COL25A1: variants seen among roughly 807,000 people sequenced by gnomAD.
COL25A1 encodes collagen type XXV alpha 1 chain.
In COL25A1, 103 loss-of-function variants were observed where a neutral mutation model predicts 128.4. The ratio of observed to expected loss-of-function variants is 0.80; its 90% CI spans 0.68 to 0.94. The LOEUF is 0.94. Ranked by LOEUF, COL25A1 falls within the 40% of genes least tolerant of loss-of-function variation. The probability of loss-of-function intolerance (pLI) is 0.00; values close to 1 mark genes in which losing one functional copy is unlikely to be tolerated. For synonymous variants in COL25A1, 279 were observed against 277.2 expected, an observed-to-expected ratio of 1.01 and a Z score of -0.06; for missense variants, 745 against 840.0, an observed-to-expected ratio of 0.89 and a Z score of 1.40.
intron 6 of COL25A1, among the ~76,000 whole-genome samples, chr4:108,997,818 A>G (rs747698959): frequency 6.6e-6 from 1 of 152,226 alleles, no homozygotes; most frequent in Non-Finnish European, 1.5e-5. Context: ...GGCTTGTTCA[A>G]CATACACAAA....
chr4:108,822,663 C>A (rs1731920310), intron 35 of COL25A1, among the ~76,000 whole-genome samples: 1 of 152,126 alleles, frequency 6.6e-6, no homozygotes, highest in African/African-American at 2.4e-5. Flanking sequence ...GGGCCTTAAG[C>A]AGTCCTCCCA....
chr4:109,115,560 A>G (rs76987558), intron 3 of COL25A1, among the ~76,000 whole-genome samples: 7,535 of 152,154 alleles, frequency 0.05, 295 homozygotes, highest in Middle Eastern at 0.15. Flanking sequence ...TTCTTCTTCT[A>G]TGTTGTAACA....
intron 13 of COL25A1, among the ~76,000 whole-genome samples, chr4:108,908,627 A>G (rs570200768): frequency 6.6e-6 from 1 of 152,266 alleles, no homozygotes; most frequent in South Asian, 2.1e-4. Context: ...TAACCACCCA[A>G]TGGGCTCATC....
intron 3 of COL25A1, among the ~76,000 whole-genome samples, chr4:109,292,459 G>C (rs1416786546): frequency 1.3e-5 from 2 of 152,022 alleles, no homozygotes; most frequent in African/African-American, 4.8e-5. Context: ...CACATTTTCA[G>C]ATCTTCATCA....
chr4:109,288,988 CACACACACACACACACAT>C (rs968935004), intron 3 of COL25A1, among the ~76,000 whole-genome samples: 5 of 151,534 alleles, frequency 3.3e-5, no homozygotes, highest in African/African-American at 1.2e-4. Flanking sequence ...CACACACACA[CACACACACACACACACAT>C]ATATATACAA....
chr4:108,824,297 T>C, intron 34 of COL25A1, 70 bp from the exon 35 acceptor site: 1 of 1,060,468 alleles, frequency 9.4e-7, no homozygotes, highest in Non-Finnish European at 1.4e-6. Flanking sequence ...GAAACAAATA[T>C]TTTAGGATTT....
chr4:108,974,245 T>C, intron 8 of COL25A1, 122 bp downstream of exon 8: 1 of 966,880 alleles, frequency 1.0e-6, no homozygotes, highest in South Asian at 1.4e-5. Context: ...TGGTATGGTA[T>C]TTTTGCCAGC....
At chr4:109,292,947 G>A (rs543911403) in intron 3 of COL25A1, among the ~76,000 whole-genome samples, 75 of 152,114 alleles carry the variant, frequency 4.9e-4, no homozygotes, top group Middle Eastern at 6.8e-3. Context: ...TGACTTTAAA[G>A]TAAAAGCATT....
At chr4:109,104,539 C>T (rs896279731) in intron 3 of COL25A1, among the ~76,000 whole-genome samples, 6 of 152,040 alleles carry the variant, frequency 3.9e-5, no homozygotes, top group African/African-American at 1.4e-4. Context: ...TCAAAATTCC[C>T]ATTATGACAT....
chr4:109,269,081 C>A (rs190994013), intron 3 of COL25A1, among the ~76,000 whole-genome samples: 2 of 110,948 alleles, frequency 1.8e-5, no homozygotes, highest in East Asian at 3.2e-4. Flanking sequence ...ATCCCTCCCC[C>A]CTCCCCCCAC....
intron 6 of COL25A1, among the ~76,000 whole-genome samples, chr4:108,997,590 T>C (rs938611185): frequency 6.6e-6 from 1 of 152,016 alleles, no homozygotes; most frequent in Non-Finnish European, 1.5e-5. Flanking sequence ...TTTCAATCAA[T>C]AGAAAAAGAG....
At chr4:109,097,222 C>T (rs1166936720) in intron 3 of COL25A1, among the ~76,000 whole-genome samples, 1 of 152,170 alleles carries the variant, frequency 6.6e-6, no homozygotes, top group Non-Finnish European at 1.5e-5. Context: ...TTGGTCTGGT[C>T]TGTTTGTGCC....
chr4:109,246,304 C>A (rs929802405), intron 3 of COL25A1, among the ~76,000 whole-genome samples: 1 of 151,964 alleles, frequency 6.6e-6, no homozygotes, highest in Non-Finnish European at 1.5e-5. Flanking sequence ...ATACAGTAAG[C>A]TGGTAGAGCT....
chr4:109,285,731 A>C lies in COL25A1; in HGVS notation c.367+14852T>G, dbSNP rs566681146. Reference sequence around the variant, plus strand: ...TATTTAAAAATTACTCTAAAAGCAAAGCTAATAAACACTCAAATATCACTT... The same window carrying C: ...TATTTAAAAATTACTCTAAAAGCAACGCTAATAAACACTCAAATATCACTT... On this transcript the variant is annotated intron_variant, in intron 3 of 37. Transcript: ENST00000399132. 2.6e-5 allele frequency among the ~76,000 whole-genome samples: 4 copies of C among 152,334 alleles called. No homozygotes were observed. The East Asian group carries it at 7.7e-4, about 29-fold the overall frequency.
chr4:109,280,032 G>A (rs1723215591), intron 3 of COL25A1, among the ~76,000 whole-genome samples: 1 of 152,186 alleles, frequency 6.6e-6, no homozygotes, highest in African/African-American at 2.4e-5. Flanking sequence ...AGAGTTCCTG[G>A]AGCTTTCCCA....
At chr4:109,132,254 C>A (rs985181183) in intron 3 of COL25A1, among the ~76,000 whole-genome samples, 1 of 152,156 alleles carries the variant, frequency 6.6e-6, no homozygotes, top group East Asian at 1.9e-4. Flanking sequence ...CATGCATACA[C>A]ACACATAAAT....
chr4:108,881,326 C>G (rs1253218645), intron 19 of COL25A1, among the ~76,000 whole-genome samples: 1 of 152,154 alleles, frequency 6.6e-6, no homozygotes, highest in East Asian at 1.9e-4. Context: ...AAGTTTCCAA[C>G]CATTCCCCGA....
chr4:109,048,196 G>A, intron 4 of COL25A1, 21 bp from the exon 5 acceptor site: 3 of 1,607,342 alleles, frequency 1.9e-6, no homozygotes, highest in Non-Finnish European at 2.6e-6. Context: ...AGCAGGTGGA[G>A]AGAGAAGAGA....
intron 3 of COL25A1, among the ~76,000 whole-genome samples, chr4:109,065,534 G>GCA (rs1579253884): frequency 7.8e-6 from 1 of 127,440 alleles, no homozygotes; most frequent in East Asian, 2.2e-4. Flanking sequence ...GGTGCAGCAC[G>GCA]CGCGCGCGCG....
Sources: allele counts gnomAD v4.1 joint callset (sites outside exome capture counted in the v4.1 genomes callset), GRCh38; gene constraint gnomAD v4.1.1; transcripts MANE v1.5; gene names NCBI Gene and HGNC (gene_info 2026-07-23, HGNC 2026-07-21).